Variants in PDE1C observed in about 807,000 individuals in gnomAD.
PDE1C encodes phosphodiesterase 1C.
In PDE1C, 62 loss-of-function variants were observed where a neutral mutation model predicts 93.1. The ratio of observed to expected loss-of-function variants is 0.67; its 90% CI spans 0.54 to 0.82. PDE1C has a LOEUF of 0.82. Ranked by LOEUF, PDE1C falls within the 40% of genes least tolerant of loss-of-function variation. The pLI is 0.00. For synonymous variants in PDE1C, 325 were observed against 310.1 expected (o/e 1.05, Z -0.50); for missense variants, 742 against 884.6 (o/e 0.84, Z 2.04).
chr7:31,760,764 ACAC>A (rs1794781961), intron 17 of PDE1C, among the ~76,000 whole-genome samples: 3 of 65,854 alleles, frequency 4.6e-5, no homozygotes, highest in Middle Eastern at 5.7e-3. Context: ...ATGTGTACAC[ACAC>A]ACACACACAC....
At chr7:32,382,022 C>T (rs551470742) in intron 1 of PDE1C, among the ~76,000 whole-genome samples, 1 of 152,298 alleles carries the variant, frequency 6.6e-6, no homozygotes, top group South Asian at 2.1e-4. Flanking sequence ...GACCATAAGG[C>T]AAGTGATATG....
At position 32,240,608 on chromosome 7, in the gene PDE1C, CAGTA is replaced by C. The variant is rs1321210002; in HGVS notation, c.86-31073_86-31070del. On this transcript the variant is annotated intron_variant, in intron 1 of 18. Transcript: ENST00000396193. ...AGGGATTTAGGAGAGGGAGGAGAGA[CAGTA>C]AGGGGCAAAAATTTTACTAAAAAAG... Among the ~76,000 whole-genome samples the C allele has an allele frequency of 3.9e-5, 6 of 152,190 alleles. No individual in the cohort carries two copies. The East Asian group carries it at 7.7e-4, about 20-fold the overall frequency.
chr7:31,756,223 A>T (rs1484268662), intron 17 of PDE1C, among the ~76,000 whole-genome samples: 1 of 152,194 alleles, frequency 6.6e-6, no homozygotes, highest in Non-Finnish European at 1.5e-5. Context: ...AGAGAAATCT[A>T]GTAAACACTT....
chr7:32,168,065 T>C (rs1802414886), intron 3 of PDE1C, among the ~76,000 whole-genome samples: 1 of 152,102 alleles, frequency 6.6e-6, no homozygotes, highest in Non-Finnish European at 1.5e-5. Context: ...AGTTACAAAA[T>C]AGTACACAGT....
intron 2 of PDE1C, among the ~76,000 whole-genome samples, chr7:31,986,360 A>G (rs1034957698): frequency 1.3e-5 from 2 of 152,170 alleles, no homozygotes; most frequent in African/African-American, 2.4e-5. Context: ...TTTGGGACCC[A>G]CTCTAATCCA....
intron 17 of PDE1C, among the ~76,000 whole-genome samples, chr7:31,764,654 C>T (rs956334359): frequency 2.4e-4 from 36 of 152,290 alleles, no homozygotes; most frequent in African/African-American, 8.2e-4. Context: ...ATTTGAGTCA[C>T]TCATTGGAAG....
intron 1 of PDE1C, among the ~76,000 whole-genome samples, chr7:32,215,705 G>A (rs1806379404): frequency 6.6e-6 from 1 of 152,224 alleles, no homozygotes; most frequent in Non-Finnish European, 1.5e-5. Flanking sequence ...GCTAAGGTGG[G>A]CCAACCCGTT....
intron 1 of PDE1C, among the ~76,000 whole-genome samples, chr7:32,228,882 T>C (rs1402634453): frequency 1.3e-5 from 2 of 152,122 alleles, no homozygotes; most frequent in Admixed American, 1.3e-4. Context: ...ATGATGCCAC[T>C]CTGCACCCCC....
chr7:32,221,350 G>A (rs1226317463), intron 1 of PDE1C, among the ~76,000 whole-genome samples: 1 of 152,168 alleles, frequency 6.6e-6, no homozygotes, highest in African/African-American at 2.4e-5. Flanking sequence ...TGATTCTTGG[G>A]AGAAGTGGAA....
chr7:31,730,648 T>C, the PDE1C span, among the ~76,000 whole-genome samples: 1 of 152,218 alleles, frequency 6.6e-6, no homozygotes, highest in Admixed American at 6.5e-5. Context: ...AGTACTTTAT[T>C]AGGTACTGCA....
the PDE1C span, among the ~76,000 whole-genome samples, chr7:31,661,890 T>C: frequency 6.6e-6 from 1 of 152,136 alleles, no homozygotes; most frequent in African/African-American, 2.4e-5. Context: ...CTCTTCTTTT[T>C]CCATTTTTCC....
At chr7:32,420,562 A>G (rs915435034) in intron 1 of PDE1C, among the ~76,000 whole-genome samples, 1 of 149,904 alleles carries the variant, frequency 6.7e-6, no homozygotes, top group Non-Finnish European at 1.5e-5. Context: ...TCAAAAAAAA[A>G]AGGGGGGGTG....
At chr7:31,808,489 T>C (rs1787132592) in intron 16 of PDE1C, among the ~76,000 whole-genome samples, 1 of 152,016 alleles carries the variant, frequency 6.6e-6, no homozygotes, top group South Asian at 2.1e-4. Context: ...TTTTGCATTG[T>C]CATTGCCTTT....
At chr7:32,040,448 G>A (rs1791667541) in intron 2 of PDE1C, among the ~76,000 whole-genome samples, 1 of 152,118 alleles carries the variant, frequency 6.6e-6, no homozygotes, top group Non-Finnish European at 1.5e-5. Context: ...ATATCCAGAA[G>A]TGACAACCAA....
intron 1 of PDE1C, among the ~76,000 whole-genome samples, chr7:32,387,645 C>T (rs1784659939): frequency 1.3e-5 from 2 of 149,272 alleles, no homozygotes; most frequent in South Asian, 2.1e-4. Context: ...CCCCCCACCT[C>T]CCTCCCGGAC....
chr7:32,121,744 C>T lies in PDE1C; in HGVS notation c.308+48041G>A, dbSNP rs116533312. ...AAGCACTAGATATGGCAAGGAAAAA[C>T]CAGTACCAGACACTGCAAAAACACA... On this transcript the variant is annotated intron_variant, in intron 3 of 18. Coordinates refer to the PDE1C transcript ENST00000396193. Among the ~76,000 whole-genome samples, 880 of 152,218 alleles carry T rather than the reference C, an allele frequency of 5.8e-3. 8 individuals are homozygous for T. The highest frequency in any genetic ancestry group is 0.02 in the African/African-American group (821 of 41,518).
At chr7:31,820,706 T>C (rs1264797794) in intron 14 of PDE1C, 3 of 152,096 alleles carry the variant, frequency 2.0e-5, no homozygotes, top group Non-Finnish European at 4.4e-5. Context: ...GCGAACTAGA[T>C]TTCTAATTAG....
intron 1 of PDE1C, among the ~76,000 whole-genome samples, chr7:32,375,754 C>A (rs1166461188): frequency 3.9e-5 from 6 of 152,258 alleles, no homozygotes; most frequent in Admixed American, 2.6e-4. Flanking sequence ...GACACAACTT[C>A]CTTGAGCCTC....
intron 1 of PDE1C, among the ~76,000 whole-genome samples, chr7:32,324,021 G>A (rs1225174799): frequency 2.0e-5 from 3 of 152,146 alleles, no homozygotes; most frequent in Non-Finnish European, 4.4e-5. Context: ...CCAAATCTGG[G>A]CTGCCACCTG....
Sources: gnomAD v4.1 joint callset for allele counts (sites outside exome capture counted in the v4.1 genomes callset) on GRCh38, gnomAD v4.1.1 for gene constraint, MANE v1.5 for transcripts, NCBI Gene and HGNC (gene_info 2026-07-23, HGNC 2026-07-21) for gene names.